Variants in EREG observed in about 807,000 individuals in gnomAD.
EREG encodes the protein epiregulin, also known as proepiregulin.
EREG carries 23 observed loss-of-function variants against 22.4 expected under a neutral mutation model. The observed-to-expected ratio is 1.03, with a 90% confidence interval of 0.74 to 1.46. The LOEUF (loss-of-function observed/expected upper bound fraction) is 1.46. Among genes scored for constraint, EREG ranks in the 40% most tolerant of loss-of-function variants. The probability of loss-of-function intolerance (pLI) is 0.00; values close to 1 mark genes in which losing one functional copy is unlikely to be tolerated. For missense variants in EREG, 226 were observed against 205.9 expected, an observed-to-expected ratio of 1.10 and a Z score of -0.60; for synonymous variants, 100 against 75.4, an observed-to-expected ratio of 1.33 and a Z score of -1.69.
chr4:74,384,664 T>C (rs987745350), intron 4 of EREG, 63 bp from the exon 5 acceptor site: 18 of 932,410 alleles, frequency 1.9e-5, no homozygotes, highest in Middle Eastern at 4.3e-4. Context: ...AGTCCATATA[T>C]AACACACTTG....
intron 2 of EREG, among the ~76,000 whole-genome samples, chr4:74,380,679 T>G (rs952478111): frequency 2.0e-5 from 3 of 152,172 alleles, no homozygotes; most frequent in African/African-American, 7.2e-5. Context: ...ATTAGACAAA[T>G]TTTGCTTGAA....
At position 74,382,742 on chromosome 4, in the gene EREG, A is replaced by C. The variant is rs1752499591; in HGVS notation, c.376A>C (p.Ile126Leu). Reference sequence around the variant, plus strand: ...ATATGTGGCTTTGACCGTGATTCTTATTATTTTGTTTCTTATCACAGTCGT... The same window carrying C: ...ATATGTGGCTTTGACCGTGATTCTTCTTATTTTGTTTCTTATCACAGTCGT... ...KEYVALTVIL[I>L]ILFLITVVGS... Residue 126 changes from isoleucine (I) to leucine (L), a missense_variant, in exon 4 of 5, where the codon ATT becomes CTT. Coordinates refer to ENST00000244869, the MANE Select transcript of EREG (RefSeq NM_001432.3). 2 of 1,613,634 alleles carry C rather than the reference A, an allele frequency of 1.2e-6. No individual in the cohort carries two copies. Among genetic ancestry groups the C allele is most frequent in the Non-Finnish European group, 1.7e-6 (2 of 1,179,836 alleles).
intron 1 of EREG, among the ~76,000 whole-genome samples, chr4:74,374,879 C>T (rs1049908349): frequency 2.0e-5 from 3 of 152,188 alleles, no homozygotes; most frequent in Admixed American, 1.3e-4. Flanking sequence ...GTGAGGTTCA[C>T]ATTCCTAAAA....
chr4:74,368,179 C>T (rs1043513818), intron 1 of EREG, among the ~76,000 whole-genome samples: 1 of 152,184 alleles, frequency 6.6e-6, no homozygotes, highest in Non-Finnish European at 1.5e-5. Context: ...TTCAGACCCT[C>T]TCATAGGCAC....
In EREG at chr4:74,365,377, T is replaced by A; in HGVS notation, c.67+2T>A. ...TCCCTGCGCTGCTGCTCTGCCTGGG[T>A]AAGTTCTCCCCCTCTGGCTTCCGGC... is the stretch of plus-strand genomic sequence containing the variant. On this transcript the variant is annotated splice_donor_variant, in intron 1 of 4. Coordinates refer to ENST00000244869, the MANE Select transcript of EREG (RefSeq NM_001432.3). LOFTEE classifies it high-confidence loss of function. The A allele has an allele frequency of 1.2e-6, 2 of 1,611,896 alleles. No individual in the cohort carries two copies. The highest frequency in any genetic ancestry group is 1.7e-6 in the Non-Finnish European group (2 of 1,179,868).
chr4:74,368,183 T>C (rs1177213725), intron 1 of EREG, among the ~76,000 whole-genome samples: 1 of 152,200 alleles, frequency 6.6e-6, no homozygotes, highest in Non-Finnish European at 1.5e-5. Flanking sequence ...GACCCTCTCA[T>C]AGGCACAGCA....
intron 2 of EREG, among the ~76,000 whole-genome samples, chr4:74,380,071 C>T (rs1473333329): frequency 1.3e-5 from 2 of 152,136 alleles, no homozygotes; most frequent in Non-Finnish European, 2.9e-5. Flanking sequence ...TTTTTCCCCT[C>T]GAGGACTGTG....
intron 1 of EREG, among the ~76,000 whole-genome samples, chr4:74,367,706 A>G (rs1266017145): frequency 6.6e-6 from 1 of 152,222 alleles, no homozygotes; most frequent in East Asian, 1.9e-4. Flanking sequence ...CTGAGAGTTT[A>G]TGAGTTACCT....
intron 1 of EREG, among the ~76,000 whole-genome samples, chr4:74,369,666 C>T (rs1337280980): frequency 1.3e-5 from 2 of 152,038 alleles, no homozygotes; most frequent in South Asian, 2.1e-4. Context: ...GTGATTGATA[C>T]GTGCACACAC....
intron 1 of EREG, among the ~76,000 whole-genome samples, chr4:74,376,962 AG>A (rs1295002312): frequency 6.6e-6 from 1 of 152,220 alleles, no homozygotes; most frequent in African/African-American, 2.4e-5. Flanking sequence ...TCGGCTTAAC[AG>A]ATACAAGCCT....
chr4:74,388,609 C>T lies in EREG; in HGVS notation c.*3801C>T, dbSNP rs1236895647. ...GTATCAATTTGTTTGTGTTCAATATCAGCTTTGATAATTGTGTACCTTAAG... is the reference window on the plus strand; with the variant it reads ...GTATCAATTTGTTTGTGTTCAATATTAGCTTTGATAATTGTGTACCTTAAG... On this transcript the variant is annotated 3_prime_UTR_variant, in exon 5 of 5. Coordinates refer to ENST00000244869, the MANE Select transcript of EREG (RefSeq NM_001432.3). 6.6e-6 allele frequency: 1 copy of T among 152,422 alleles called. No individual in the cohort carries two copies. The highest frequency in any genetic ancestry group is 2.4e-5 in the African/African-American group (1 of 41,374). 9.4% of individuals were successfully genotyped at this position (152,422 alleles called of 1,614,324 possible). A position where few individuals can be genotyped will look rare whatever the true frequency, so the allele number is the denominator to read the frequency against.
At chr4:74,375,306 C>CTTTTTT (rs71219383) in intron 1 of EREG, among the ~76,000 whole-genome samples, 5 of 61,052 alleles carry the variant, frequency 8.2e-5, no homozygotes, top group East Asian at 5.8e-4. Flanking sequence ...ACTAGCGATT[C>CTTTTTT]TTTTTTTTTT....
At chr4:74,375,144 G>A (rs539992272) in intron 1 of EREG, among the ~76,000 whole-genome samples, 1 of 152,026 alleles carries the variant, frequency 6.6e-6, no homozygotes, top group South Asian at 2.1e-4. Flanking sequence ...AGAATCTACT[G>A]TCAAGAATGA....
chr4:74,382,238 T>A (rs4694188), intron 3 of EREG, among the ~76,000 whole-genome samples: 106,377 of 151,834 alleles, frequency 0.7, 38,028 homozygotes, highest in Middle Eastern at 0.78. Context: ...AGGCGGAGGT[T>A]GCAGTGAGCC....
chr4:74,385,740 AATT>A lies in EREG; in HGVS notation c.*939_*941del. ...ATCACAGCCCAAAATTTGATGGACT[AATT>A]ATTATTTTAAAATATATGAAGACAA... On this transcript the variant is annotated 3_prime_UTR_variant, in exon 5 of 5. Coordinates refer to ENST00000244869, the MANE Select transcript of EREG (RefSeq NM_001432.3). The A allele has an allele frequency of 2.6e-6, 1 of 379,704 alleles. No homozygotes were observed. The highest frequency in any genetic ancestry group is 4.5e-5 in the Admixed American group (1 of 22,060). The allele number at this position is 379,704 out of a possible 1,614,324, so 23.5% of individuals were successfully genotyped here.
intron 1 of EREG, among the ~76,000 whole-genome samples, chr4:74,376,664 A>G (rs1242878661): frequency 6.6e-5 from 10 of 152,188 alleles, no homozygotes; most frequent in Admixed American, 4.6e-4. Context: ...CAGCATTTAT[A>G]TTGTAGAAAA....
At chr4:74,379,625 T>A (rs10016047) in intron 2 of EREG, 91 bp downstream of exon 2, 1 of 774,390 alleles carries the variant, frequency 1.3e-6, no homozygotes, top group Non-Finnish European at 2.2e-6. Context: ...TGATAATTTT[T>A]TAAAAAAGGG....
intron 1 of EREG, among the ~76,000 whole-genome samples, chr4:74,378,320 A>G (rs1210639818): frequency 3.3e-5 from 5 of 152,220 alleles, no homozygotes; most frequent in African/African-American, 9.6e-5. Flanking sequence ...ACCGGAATCC[A>G]AACGAAAATG....
rs774735616 is a variant in EREG at position 74,365,266 on chromosome 4, G to C, written c.-43G>C. On this transcript the variant is annotated 5_prime_UTR_variant, in exon 1 of 5. Transcript: ENST00000244869. ...CTCCCGCCCTGCCCGTGCACTCTCC[G>C]CAGCCGCCCTCCGCCAAGCCCCAGC... The C allele has an allele frequency of 6.5e-7, 1 of 1,543,668 alleles. No individual in the cohort carries two copies. The highest frequency in any genetic ancestry group is 1.4e-5 in the African/African-American group (1 of 73,740).
Sources: gnomAD v4.1 joint callset for allele counts (sites outside exome capture counted in the v4.1 genomes callset) on GRCh38, gnomAD v4.1.1 for gene constraint, MANE v1.5 for transcripts, NCBI Gene and HGNC (gene_info 2026-07-23, HGNC 2026-07-21) for gene names.